The following HOXD13 variants were observed in gnomAD, a reference collection of about 807,000 sequenced individuals.
The protein encoded by HOXD13 is homeobox D13.
Under a neutral mutation model 27.3 loss-of-function variants are expected in HOXD13, and 16 were observed. That is an observed-to-expected ratio of 0.59 (90% CI 0.40 to 0.89). The LOEUF (loss-of-function observed/expected upper bound fraction) is 0.89. Ranked by LOEUF, HOXD13 falls within the 40% of genes least tolerant of loss-of-function variation. The pLI, the probability that HOXD13 is intolerant of heterozygous loss-of-function variation, is 0.00. For synonymous variants in HOXD13, 241 were observed against 219.0 expected, an observed-to-expected ratio of 1.10 and a Z score of -0.89; for missense variants, 481 against 482.6, an observed-to-expected ratio of 1.00 and a Z score of 0.03.
At chr2:176,090,067 A>G (rs562405548), upstream of HOXD13, among the ~76,000 whole-genome samples, 1 of 152,362 alleles carries the variant, frequency 6.6e-6, no homozygotes, top group East Asian at 1.9e-4. Flanking sequence ...TATGTGTCTC[A>G]TTAGTTCATA....
upstream of HOXD13, among the ~76,000 whole-genome samples, chr2:176,089,778 T>A (rs927767702): frequency 2.6e-5 from 4 of 152,214 alleles, no homozygotes; most frequent in Admixed American, 2.6e-4. Flanking sequence ...AGGGTCATCC[T>A]GAGTTTTTCA....
At position 176,093,431 on chromosome 2, in the gene HOXD13, A is replaced by C; in HGVS notation, c.541A>C (p.Asn181His). 2 of 1,613,972 alleles carry C rather than the reference A, an allele frequency of 1.2e-6. No individual in the cohort carries two copies. The highest frequency in any genetic ancestry group is 1.7e-6 in the Non-Finnish European group (2 of 1,180,030). Residue 181 changes from asparagine to histidine, a missense_variant, in exon 1 of 2, where the codon AAC becomes CAC. Asn to His is a moderately conservative substitution (Grantham distance 68). Coordinates refer to ENST00000392539, the MANE Select transcript of HOXD13 (RefSeq NM_000523.4). ...CCTGGCGAGCAGCAGCGTACCGGCCAACGAGGTGCCAGCGCGAGCCAAGGA... is the reference window on the plus strand; with the variant it reads ...CCTGGCGAGCAGCAGCGTACCGGCCCACGAGGTGCCAGCGCGAGCCAAGGA... ...SGLASSSVPA[N>H]EVPARAKEVS...
chr2:176,094,904 C>A lies in HOXD13; in HGVS notation c.*174C>A. 1 of 615,786 alleles carries A rather than the reference C, an allele frequency of 1.6e-6. No homozygotes were observed. The highest frequency in any genetic ancestry group is 2.9e-6 in the Non-Finnish European group (1 of 343,368). The allele number at this position is 615,786 out of a possible 1,614,324, so 38.1% of individuals were successfully genotyped here. On this transcript the variant is annotated 3_prime_UTR_variant, in exon 2 of 2. Transcript: ENST00000392539. ...GGCTCTAAAACCTTCTGCTGCCCAA[C>A]CTGACTTTGTAGTTCTGATTTTTAC...
rs1038624473 is a variant in HOXD13 at position 176,094,501 on chromosome 2, C to T, written c.803C>T (p.Pro268Leu). 17 of 1,614,036 alleles carry T rather than the reference C, an allele frequency of 1.1e-5. No homozygotes were observed. The highest frequency in any genetic ancestry group is 3.3e-5 in the Admixed American group (2 of 60,022). ...SFPGDVALNQ[P>L]DMCVYRRGRK... Reference sequence around the variant, plus strand: ...TCAGGGGATGTGGCTCTAAATCAGCCGGACATGTGCGTCTACCGAAGAGGG... The same window carrying T: ...TCAGGGGATGTGGCTCTAAATCAGCTGGACATGTGCGTCTACCGAAGAGGG... The change falls in exon 2 of 2, where the codon CCG (proline) becomes CTG (leucine). Residue 268 changes from proline (P) to leucine (L), a missense_variant. Transcript: ENST00000392539.
At position 176,094,578 on chromosome 2, in the gene HOXD13, G is replaced by C; in HGVS notation, c.880G>C (p.Glu294Gln). Residue 294 changes from glutamate to glutamine, a missense_variant, in exon 2 of 2, where the codon GAG becomes CAG. By Grantham distance (29) the Glu-to-Gln change is conservative (BLOSUM62 2). Transcript: ENST00000392539. ...TKLQLKELEN[E>Q]YAINKFINKD... ...ACTGCAGCTTAAAGAACTGGAGAAC[G>C]AGTATGCCATTAACAAATTCATTAA... 3 of 1,614,094 alleles carry C rather than the reference G, an allele frequency of 1.9e-6. No individual in the cohort carries two copies. The highest frequency in any genetic ancestry group is 2.5e-6 in the Non-Finnish European group (3 of 1,179,972).
chr2:176,093,224 CCTGCAGCGGCCG>C lies in HOXD13; in HGVS notation c.343_354del (p.Ala115_Ala118del). ...AGCCAAAGAGTGCCCAGCACCCACG[CCTGCAGCGGCCG>C]CTGCAGCGCCCCCGAGCGCTCCAGC... On this transcript the variant is annotated inframe_deletion, in exon 1 of 2. Coordinates refer to ENST00000392539, the MANE Select transcript of HOXD13 (RefSeq NM_000523.4). The C allele has an allele frequency of 6.2e-7, 1 of 1,609,566 alleles. No homozygotes were observed. The highest frequency in any genetic ancestry group is 8.5e-7 in the Non-Finnish European group (1 of 1,179,294).
At chr2:176,093,748 G>T (rs1273233500) in intron 1 of HOXD13, 77 bp downstream of exon 1, 3 of 973,450 alleles carry the variant, frequency 3.1e-6, no homozygotes, top group Admixed American at 2.6e-5. Context: ...AAGAGTATGC[G>T]CCCCTACTTG....
chr2:176,092,849 CGCGGGGCCAGGGCCAGGGCCGGG>C lies in HOXD13; in HGVS notation c.-39_-17del, dbSNP rs1321523734. ...AGGCGCGCCGCGCCATGGTGTCCTG[CGCGGGGCCAGGGCCAGGGCCGGG>C]GCCGGGCCAGGCCGGGCCATGAGCC... On this transcript the variant is annotated 5_prime_UTR_variant, in exon 1 of 2. Transcript: ENST00000392539. The C allele has an allele frequency of 1.7e-6, 2 of 1,173,608 alleles. No homozygotes were observed. The highest frequency in any genetic ancestry group is 3.2e-5 in the African/African-American group (2 of 62,346). The allele number at this position is 1,173,608 out of a possible 1,614,324, so 72.7% of individuals were successfully genotyped here.
rs1397064007 is a variant in HOXD13, at chr2:176,093,160, C to A, written c.270C>A (p.Ser90=). 6.2e-7 allele frequency: 1 copy of A among 1,607,868 alleles called. No individual in the cohort carries two copies. The highest frequency in any genetic ancestry group is 8.5e-7 in the Non-Finnish European group (1 of 1,179,488). ...SERTGSSSSS[S]SSAVVAARPE... Reference sequence around the variant, plus strand: ...GCACGGGCTCTTCCTCGTCGTCGTCCTCTTCTGCCGTTGTAGCGGCGCGCC... The same window carrying A: ...GCACGGGCTCTTCCTCGTCGTCGTCATCTTCTGCCGTTGTAGCGGCGCGCC... The change falls in exon 1 of 2, where the codon TCC becomes TCA. Residue 90 remains serine, a synonymous_variant. Coordinates refer to ENST00000392539, the MANE Select transcript of HOXD13 (RefSeq NM_000523.4).
In HOXD13 at chr2:176,093,148, C is replaced by T. The variant is rs757780371; in HGVS notation, c.258C>T (p.Ser86=). The T allele has an allele frequency of 5.0e-6, 8 of 1,606,534 alleles. No individual in the cohort carries two copies. The highest frequency in any genetic ancestry group is 6.8e-6 in the Non-Finnish European group (8 of 1,179,412). The part of the protein sequence containing the change: ...YPGTSERTGS[S]SSSSSSAVVA... ...GGACCTCTGAGCGCACGGGCTCTTC[C>T]TCGTCGTCGTCCTCTTCTGCCGTTG... The change falls in exon 1 of 2, where the codon TCC becomes TCT. Residue 86 remains serine (S), a synonymous_variant. Coordinates refer to ENST00000392539, the MANE Select transcript of HOXD13 (RefSeq NM_000523.4).
In HOXD13 at chr2:176,095,703, T is replaced by C. The variant is rs1689402054; in HGVS notation, c.*973T>C. The C allele has an allele frequency of 4.4e-6, 1 of 226,040 alleles. No individual in the cohort carries two copies. The highest frequency in any genetic ancestry group is 2.2e-5 in the African/African-American group (1 of 45,006). The allele number at this position is 226,040 out of a possible 1,614,324, so 14.0% of individuals were successfully genotyped here. A position where few individuals can be genotyped will look rare whatever the true frequency, so the allele number is the denominator to read the frequency against. On this transcript the variant is annotated 3_prime_UTR_variant, in exon 2 of 2. Transcript: ENST00000392539. ...AACAAGGGGGCCTCGCATGGAGCTGTAAAGCATCTAACAAATATGAAAAAT... is the reference window on the plus strand; with the variant it reads ...AACAAGGGGGCCTCGCATGGAGCTGCAAAGCATCTAACAAATATGAAAAAT...
Position 176,094,823 on chromosome 2 carries a change from A to C in HOXD13, c.*93A>C, listed in dbSNP as rs1574943977. The C allele has an allele frequency of 8.7e-7, 1 of 1,148,238 alleles. No homozygotes were observed. Among genetic ancestry groups the C allele is most frequent in the Non-Finnish European group, 1.3e-6 (1 of 769,158 alleles). 71.1% of individuals were successfully genotyped at this position (1,148,238 alleles called of 1,614,324 possible). A position where few individuals can be genotyped will look rare whatever the true frequency, so the allele number is the denominator to read the frequency against. On this transcript the variant is annotated 3_prime_UTR_variant, in exon 2 of 2. Transcript: ENST00000392539. Reference sequence around the variant, plus strand: ...CTTGAATATGTATTTAATTCCCCCCACCCCCTGCCAATGGTGGCAAATTTT... The same window carrying C: ...CTTGAATATGTATTTAATTCCCCCCCCCCCCTGCCAATGGTGGCAAATTTT...
chr2:176,090,963 C>T (rs1350629350), upstream of HOXD13, among the ~76,000 whole-genome samples: 1 of 152,216 alleles, frequency 6.6e-6, no homozygotes, highest in Non-Finnish European at 1.5e-5. Context: ...CAGCAAACTT[C>T]TATTCCCTAT....
Position 176,093,675 on chromosome 2 carries a change from G to A in HOXD13, c.781+4G>A. The A allele has an allele frequency of 5.1e-6, 8 of 1,572,074 alleles. No homozygotes were observed. Among genetic ancestry groups the A allele is most frequent in the Non-Finnish European group, 6.9e-6 (8 of 1,153,420 alleles). On this transcript the variant is annotated splice_donor_region_variant and intron_variant, in intron 1 of 1. Transcript: ENST00000392539. ...TTTTGGAAATCTTCCTTTCCAGGTA[G>A]GGGCGATGGAGAAAAGGGACCGACA...
chr2:176,092,907 G>A lies in HOXD13; in HGVS notation c.17G>A (p.Ser6Asn). 1 of 1,301,910 alleles carries A rather than the reference G, an allele frequency of 7.7e-7. No individual in the cohort carries two copies. The highest frequency in any genetic ancestry group is 9.7e-7 in the Non-Finnish European group (1 of 1,028,998). 80.6% of individuals were successfully genotyped at this position (1,301,910 alleles called of 1,614,324 possible). A position where few individuals can be genotyped will look rare whatever the true frequency, so the allele number is the denominator to read the frequency against. Residue 6 changes from serine (S) to asparagine (N), a missense_variant, in exon 1 of 2, where the codon AGC (serine) becomes AAC (asparagine). By Grantham distance (46) the Ser-to-Asn change is conservative. Transcript: ENST00000392539. ...GGCCGGGCCATGAGCCGCGCCGGGA[G>A]CTGGGACATGGACGGGCTGCGGGCA... MSRAG[S>N]WDMDGLRADG...
At position 176,093,500 on chromosome 2, in the gene HOXD13, C is replaced by T. The variant is rs1047620716; in HGVS notation, c.610C>T (p.Pro204Ser). 1 of 1,613,930 alleles carries T rather than the reference C, an allele frequency of 6.2e-7. No homozygotes were observed. The highest frequency in any genetic ancestry group is 8.5e-7 in the Non-Finnish European group (1 of 1,180,038). ...QGYTSPYQHVPGYIDMVSTFG... is the reference protein window; with the variant it reads ...QGYTSPYQHVSGYIDMVSTFG... ...CTATACGAGCCCTTACCAGCACGTG[C>T]CCGGCTATATCGACATGGTGTCCAC... Residue 204 changes from proline (P) to serine (S), a missense_variant, in exon 1 of 2, where the codon CCC (proline) becomes TCC (serine). Transcript: ENST00000392539.
upstream of HOXD13, among the ~76,000 whole-genome samples, chr2:176,089,144 G>A (rs557241904): frequency 5.9e-5 from 9 of 152,366 alleles, no homozygotes; most frequent in South Asian, 4.1e-4. Context: ...GTACTCAAAT[G>A]TGGCTTCCAC....
At chr2:176,091,646 A>G (rs1559107059), upstream of HOXD13, among the ~76,000 whole-genome samples, 1 of 152,142 alleles carries the variant, frequency 6.6e-6, no homozygotes, top group African/African-American at 2.4e-5. Context: ...CTATCACAAA[A>G]TCCGAATTTG....
chr2:176,088,564 C>CG (rs1015976765), upstream of HOXD13, among the ~76,000 whole-genome samples: 10 of 152,074 alleles, frequency 6.6e-5, no homozygotes, highest in East Asian at 3.9e-4. Context: ...TCGGCTCCCC[C>CG]CTTCGTGCTT....
Sources: gnomAD v4.1 joint callset for allele counts (sites outside exome capture counted in the v4.1 genomes callset) on GRCh38, gnomAD v4.1.1 for gene constraint, MANE v1.5 for transcripts, NCBI Gene and HGNC (gene_info 2026-07-23, HGNC 2026-07-21) for gene names.